The following CAPN8 variants were observed in gnomAD, a reference collection of about 807,000 sequenced individuals.
CAPN8 encodes the protein calpain-8.
A neutral mutation model predicts 80.9 loss-of-function variants in CAPN8; 87 were observed. The ratio of observed to expected loss-of-function variants is 1.07; its 90% CI spans 0.90 to 1.28. CAPN8 has a LOEUF of 1.28. CAPN8 is among the 50% of genes most tolerant of loss of function. The pLI is 0.00. For missense variants in CAPN8, 757 were observed against 702.0 expected, an observed-to-expected ratio of 1.08 and a Z score of -0.89; for synonymous variants, 299 against 273.8, an observed-to-expected ratio of 1.09 and a Z score of -0.91.
At chr1:223,618,759 A>C (rs998387905) in intron 9 of CAPN8, among the ~76,000 whole-genome samples, 2 of 152,192 alleles carry the variant, frequency 1.3e-5, no homozygotes, top group Admixed American at 1.3e-4. Flanking sequence ...GTTTGAACAC[A>C]TGGTTCAGGC....
chr1:223,648,002 C>T (rs1186889650), intron 2 of CAPN8, among the ~76,000 whole-genome samples: 1 of 152,158 alleles, frequency 6.6e-6, no homozygotes, highest in Admixed American at 6.5e-5. Context: ...AGTGAGGGTT[C>T]ATGGAACTCT....
intron 2 of CAPN8, chr1:223,642,607 A>C: frequency 5.5e-6 from 2 of 361,008 alleles, no homozygotes; most frequent in South Asian, 4.3e-5. Context: ...CCAGAGAGTT[A>C]ATGTACTTCA....
intron 5 of CAPN8, among the ~76,000 whole-genome samples, chr1:223,626,730 A>C (rs1318721186): frequency 6.6e-6 from 1 of 152,230 alleles, no homozygotes; most frequent in African/African-American, 2.4e-5. Context: ...CCACTCCAGC[A>C]GTACTGAAGG....
Position 223,660,699 on chromosome 1 carries a change from T to A in CAPN8, c.237+4711A>T, listed in dbSNP as rs186301182. 5.4e-3 allele frequency among the ~76,000 whole-genome samples: 816 copies of A among 152,320 alleles called. 34 individuals carry two copies. The highest frequency in any genetic ancestry group is 0.049 in the Admixed American group (744 of 15,294). On this transcript the variant is annotated intron_variant, in intron 1 of 20. Coordinates refer to ENST00000366872, the MANE Select transcript of CAPN8 (RefSeq NM_001143962.2). ...GGACAAAAACATGTGTACATACATG[T>A]TCAACCCATCTCATCTGCTTTCCCC...
At chr1:223,547,012 C>G (rs185583016) in intron 16 of CAPN8, among the ~76,000 whole-genome samples, 1 of 152,184 alleles carries the variant, frequency 6.6e-6, no homozygotes, top group South Asian at 2.1e-4. Context: ...CTCCCAGGCT[C>G]AAGCGATTCT....
chr1:223,617,684 GA>G (rs1263826600), intron 9 of CAPN8: 2 of 152,496 alleles, frequency 1.3e-5, no homozygotes, highest in Non-Finnish European at 2.9e-5. Context: ...AGTACTGGAG[GA>G]AGAGAATGGG....
chr1:223,616,113 G>A lies in CAPN8; in HGVS notation c.1168C>T (p.Arg390Cys), dbSNP rs267598390. 49 of 1,551,586 alleles carry A rather than the reference G, an allele frequency of 3.2e-5. No individual in the cohort carries two copies. The highest frequency in any genetic ancestry group is 3.8e-5 in the Non-Finnish European group (44 of 1,146,898). Residue 390 changes from arginine (R) to cysteine (C), a missense_variant, in exon 10 of 21, where the codon CGT (arginine) becomes TGT (cysteine). Transcript: ENST00000366872. ...TGGTCCTCATCCACTTCATCCAAAC[G>A]GATTTTGAACTGGGGATTGGTCCAG... ...TYWTNPQFKI[R>C]LDEVDEDQEE...
intron 16 of CAPN8, among the ~76,000 whole-genome samples, chr1:223,546,181 A>G (rs1341684172): frequency 1.3e-5 from 2 of 151,914 alleles, no homozygotes; most frequent in Non-Finnish European, 2.9e-5. Flanking sequence ...TAAGTTTTTT[A>G]GAGACTCTAC....
intron 2 of CAPN8, among the ~76,000 whole-genome samples, chr1:223,648,921 A>G (rs1425195034): frequency 6.6e-6 from 1 of 152,182 alleles, no homozygotes; most frequent in Non-Finnish European, 1.5e-5. Flanking sequence ...CCCAGCACTT[A>G]TCAAACCCTT....
intron 2 of CAPN8, among the ~76,000 whole-genome samples, chr1:223,643,188 G>A (rs757689918): frequency 6.6e-6 from 1 of 152,236 alleles, no homozygotes; most frequent in Non-Finnish European, 1.5e-5. Context: ...AGCCATGGCT[G>A]AAATACACGG....
intron 19 of CAPN8, among the ~76,000 whole-genome samples, 194 bp from the exon 20 acceptor site, chr1:223,543,360 G>A (rs570244007): frequency 6.6e-6 from 1 of 152,150 alleles, no homozygotes; most frequent in South Asian, 2.1e-4. Flanking sequence ...AGCTTTTGGG[G>A]GATCAGATGC....
chr1:223,544,765 T>C lies in CAPN8; in HGVS notation c.1912+7A>G. On this transcript the variant is annotated splice_region_variant and intron_variant, in intron 18 of 20. Coordinates refer to ENST00000366872, the MANE Select transcript of CAPN8 (RefSeq NM_001143962.2). ...CCCAAGACCCTGTCTACAGGATGTG[T>C]CCTCACCTGCCTTCCTGAGGGCTGT... 3 of 1,551,642 alleles carry C rather than the reference T, an allele frequency of 1.9e-6. No homozygotes were observed. The highest frequency in any genetic ancestry group is 2.6e-6 in the Non-Finnish European group (3 of 1,146,990).
rs968692844 is a variant in CAPN8, at chr1:223,609,265, C to T, written c.1423G>A (p.Gly475Ser). The T allele has an allele frequency of 2.5e-6, 1 of 398,420 alleles. No homozygotes were observed. The highest frequency in any genetic ancestry group is 2.1e-5 in the African/African-American group (1 of 48,574). 24.7% of individuals were successfully genotyped at this position (398,420 alleles called of 1,614,324 possible). The change falls in exon 12 of 21, where the codon GGC becomes AGC. Residue 475 changes from glycine (G) to serine (S), a missense_variant. By Grantham distance (56) the Gly-to-Ser change is moderately conservative. Coordinates refer to ENST00000366872, the MANE Select transcript of CAPN8 (RefSeq NM_001143962.2). ...STYVNLREVS[G>S]RARLPPGEYL... ...TCCCCAGGGGGCAGCCGGGCCCGGCCAGAGACCTCCCGCAGGTTGACGTAG... is the reference window on the plus strand; with the variant it reads ...TCCCCAGGGGGCAGCCGGGCCCGGCTAGAGACCTCCCGCAGGTTGACGTAG...
rs1656770272 is a variant in CAPN8, at chr1:223,550,960, T to C, written c.1699A>G (p.Arg567Gly). The change falls in exon 15 of 21, where the codon AGA becomes GGA. Residue 567 changes from arginine to glycine, a missense_variant and splice_region_variant. Coordinates refer to ENST00000366872, the MANE Select transcript of CAPN8 (RefSeq NM_001143962.2). ...TGAAAGACCCCAAGAAGGAACTTAC[T>C]CTTGGAAAACGCCTCATTCAAAAGT... Reference protein sequence around the residue: ...KILLNEAFSKRTDIKFDGFNI... With the variant: ...KILLNEAFSKGTDIKFDGFNI... 1.4e-6 allele frequency: 1 copy of C among 718,046 alleles called. No homozygotes were observed. The highest frequency in any genetic ancestry group is 1.5e-5 in the South Asian group (1 of 67,570). 44.5% of individuals were successfully genotyped at this position (718,046 alleles called of 1,614,324 possible). A position where few individuals can be genotyped will look rare whatever the true frequency, so the allele number is the denominator to read the frequency against.
intron 17 of CAPN8, 76 bp from the exon 18 acceptor site, chr1:223,544,926 T>A: frequency 6.5e-7 from 1 of 1,546,432 alleles, no homozygotes; most frequent in Non-Finnish European, 8.7e-7. Context: ...TCCACCACAC[T>A]GCTTTCTCAA....
chr1:223,626,928 C>A, intron 5 of CAPN8, 61 bp downstream of exon 5: 1 of 1,516,288 alleles, frequency 6.6e-7, no homozygotes, highest in East Asian at 2.5e-5. Flanking sequence ...TCATCCCTTC[C>A]CTACCACACA....
chr1:223,619,211 A>T, intron 9 of CAPN8, 82 bp downstream of exon 9: 1 of 1,492,764 alleles, frequency 6.7e-7, no homozygotes, highest in Non-Finnish European at 9.0e-7. Flanking sequence ...CACACAAAAT[A>T]GCACCAAAAA....
chr1:223,618,594 G>T (rs1657276466), intron 9 of CAPN8, among the ~76,000 whole-genome samples: 1 of 152,270 alleles, frequency 6.6e-6, no homozygotes, highest in African/African-American at 2.4e-5. Flanking sequence ...GGTCAGCAGG[G>T]TGACTGCTAG....
chr1:223,653,404 G>A (rs1658393458), intron 2 of CAPN8, among the ~76,000 whole-genome samples: 1 of 152,046 alleles, frequency 6.6e-6, no homozygotes, highest in East Asian at 1.9e-4. Context: ...GAAGAGAAAG[G>A]GCTTTCTTGG....
Sources: allele counts gnomAD v4.1 joint callset (sites outside exome capture counted in the v4.1 genomes callset), GRCh38; gene constraint gnomAD v4.1.1; transcripts MANE v1.5; gene names NCBI Gene and HGNC (gene_info 2026-07-23, HGNC 2026-07-21).